DRC4: variants seen among roughly 807,000 people sequenced by gnomAD.
DRC4 encodes the protein GAS-11.
the DRC4 span, chr16:90,036,237 T>C: frequency 1.4e-6 from 1 of 715,038 alleles, no homozygotes; most frequent in Admixed American, 2.8e-5. Flanking sequence ...CTAAACCCCT[T>C]TGTTCTTCTC....
the DRC4 span, chr16:90,037,664 G>A: frequency 4.9e-6 from 6 of 1,222,040 alleles, no homozygotes; most frequent in Middle Eastern, 1.9e-4. Flanking sequence ...TCTTTCTGGC[G>A]ATTATTTTTG....
the DRC4 span, among the ~76,000 whole-genome samples, chr16:90,032,059 G>A: frequency 2.6e-5 from 4 of 151,854 alleles, no homozygotes; most frequent in Non-Finnish European, 4.4e-5. Flanking sequence ...TGTAGTGCAG[G>A]CGACCAGGTG....
At chr16:90,044,836 G>T in the DRC4 span, 1 of 245,158 alleles carries the variant, frequency 4.1e-6, no homozygotes. Flanking sequence ...GAAGCAAAAA[G>T]GGAAAAAGTC....
At chr16:90,038,638 T>G in the DRC4 span, among the ~76,000 whole-genome samples, 5,887 of 152,316 alleles carry the variant, frequency 0.039, 140 homozygotes, top group Non-Finnish European at 0.062. Flanking sequence ...AGGGCTGCTC[T>G]GAGTCACACA....
the DRC4 span, chr16:90,029,533 G>C: frequency 5.8e-6 from 2 of 343,516 alleles, no homozygotes; most frequent in East Asian, 2.0e-4. Context: ...GCCTCTAAAG[G>C]TCTGTGACGT....
chr16:90,040,610 G>C, the DRC4 span: 2 of 1,103,058 alleles, frequency 1.8e-6, no homozygotes, highest in African/African-American at 2.0e-5. Context: ...GAGACCCCTC[G>C]GTCGGCCACT....
the DRC4 span, among the ~76,000 whole-genome samples, chr16:90,039,358 GTTATTTATTTAT>G: frequency 9.4e-3 from 1,376 of 146,492 alleles, 23 homozygotes; most frequent in African/African-American, 0.032. Flanking sequence ...GACCAAGGCA[GTTATTTATTTAT>G]TTATTTATTT....
the DRC4 span, chr16:90,027,791 C>A: frequency 5.7e-6 from 8 of 1,409,960 alleles, no homozygotes; most frequent in Non-Finnish European, 8.0e-6. Flanking sequence ...GTGCCTACGC[C>A]GAGTGTCCAT....
the DRC4 span, among the ~76,000 whole-genome samples, chr16:90,030,528 T>TG: frequency 2.5e-3 from 294 of 117,574 alleles, 5 homozygotes; most frequent in African/African-American, 9.9e-3. Context: ...TTTTTTTTTT[T>TG]GTAGAGACAG....
the DRC4 span, chr16:90,043,367 G>A: frequency 1.9e-6 from 3 of 1,596,944 alleles, no homozygotes; most frequent in Non-Finnish European, 2.6e-6. Context: ...GGGGGCCACA[G>A]CCCAGAGAAC....
chr16:90,036,101 G>A, the DRC4 span: 3 of 584,740 alleles, frequency 5.1e-6, no homozygotes, highest in Non-Finnish European at 8.6e-6. Flanking sequence ...ACTGCTCACT[G>A]GGGTCAGCTG....
chr16:90,026,686 CCT>C, the DRC4 span, among the ~76,000 whole-genome samples: 1 of 152,060 alleles, frequency 6.6e-6, no homozygotes, highest in Non-Finnish European at 1.5e-5. Flanking sequence ...TGGGTTCCCC[CCT>C]CTCTTAGTTT....
At chr16:90,040,682 G>C in the DRC4 span, among the ~76,000 whole-genome samples, 5 of 151,890 alleles carry the variant, frequency 3.3e-5, no homozygotes, top group African/African-American at 1.2e-4. Context: ...CTGTGGAAGG[G>C]CTGGGCAGGG....
chr16:90,039,702 T>A, the DRC4 span: 1 of 163,426 alleles, frequency 6.1e-6, no homozygotes, highest in South Asian at 1.6e-4. Flanking sequence ...TGTTCACTTT[T>A]TTATAGTCTT....
the DRC4 span, chr16:90,027,566 G>A: frequency 2.0e-6 from 3 of 1,501,394 alleles, no homozygotes; most frequent in Non-Finnish European, 2.8e-6. Context: ...AATGTTCCTG[G>A]GAGCAAATCA....
At chr16:90,031,473 G>A in the DRC4 span, 1 of 1,575,862 alleles carries the variant, frequency 6.3e-7, no homozygotes, top group South Asian at 1.2e-5. Context: ...AGAAGCCGAG[G>A]AGAGGCACCA....
At chr16:90,021,941 G>T in the DRC4 span, 1 of 151,634 alleles carries the variant, frequency 6.6e-6, no homozygotes, top group Non-Finnish European at 1.5e-5. Context: ...GTAACAGGGT[G>T]GTTTCACGGA....
the DRC4 span, chr16:90,043,535 T>C: frequency 1.6e-6 from 1 of 620,024 alleles, no homozygotes; most frequent in East Asian, 2.8e-5. Context: ...ACCCATGGTG[T>C]CCCTGTCGCT....
chr16:90,022,692 G>T, the DRC4 span: 5 of 1,424,592 alleles, frequency 3.5e-6, no homozygotes, highest in Non-Finnish European at 3.7e-6. Flanking sequence ...CCTGGTCCCG[G>T]AGTCGCCGCT....
Sources: allele counts gnomAD v4.1 joint callset (sites outside exome capture counted in the v4.1 genomes callset), GRCh38; gene constraint gnomAD v4.1.1; transcripts MANE v1.5; gene names NCBI Gene and HGNC (gene_info 2026-07-23, HGNC 2026-07-21).